The following ZDHHC5 variants were observed in gnomAD, a reference collection of about 807,000 sequenced individuals.
The protein encoded by ZDHHC5 is palmitoyltransferase ZDHHC5.
Under a neutral mutation model 70.0 loss-of-function variants are expected in ZDHHC5, and 22 were observed. The observed-to-expected ratio is 0.31, with a 90% CI of 0.22 to 0.45. The LOEUF is 0.45. ZDHHC5 is among the 20% of genes least tolerant of loss of function. The pLI, the probability that ZDHHC5 is intolerant of heterozygous loss-of-function variation, is 1.00. For missense variants in ZDHHC5, 746 were observed against 926.9 expected, an observed-to-expected ratio of 0.80 and a Z score of 2.53; for synonymous variants, 313 against 347.8, an observed-to-expected ratio of 0.90 and a Z score of 1.11.
At chr11:57,675,836 C>G (rs1303318389) in intron 2 of ZDHHC5, among the ~76,000 whole-genome samples, 1 of 152,210 alleles carries the variant, frequency 6.6e-6, no homozygotes, top group South Asian at 2.1e-4. Context: ...TTACCTCTTT[C>G]GAGGTTCAGT....
chr11:57,696,180 G>C, intron 9 of ZDHHC5, 137 bp downstream of exon 9: 1 of 1,355,446 alleles, frequency 7.4e-7, no homozygotes, highest in Non-Finnish European at 9.7e-7. Context: ...GTTGGTACTT[G>C]TGCTACTTTG....
rs182322461 is a variant in ZDHHC5 at position 57,697,320 on chromosome 11, A to G, written c.1122+447A>G. On this transcript the variant is annotated intron_variant, in intron 10 of 11. Transcript: ENST00000287169. ...TACTAAAAATACAAAAAAATTAGCC[A>G]GGCATGGTGGCAGGTGCCTGTAGTC... 1.5e-3 allele frequency among the ~76,000 whole-genome samples: 234 copies of G among 152,088 alleles called. 13 individuals are homozygous for G. In the East Asian group the frequency reaches 0.044, roughly 29 times the overall value.
At chr11:57,678,676 C>T (rs1026345604) in intron 2 of ZDHHC5, among the ~76,000 whole-genome samples, 9 of 151,226 alleles carry the variant, frequency 6.0e-5, no homozygotes, top group African/African-American at 1.7e-4. Flanking sequence ...CCCAGGAGTT[C>T]GAGACCAGCC....
At chr11:57,692,570 A>G (rs779954219) in intron 6 of ZDHHC5, 41 bp from the exon 7 acceptor site, 3 of 1,588,608 alleles carry the variant, frequency 1.9e-6, no homozygotes, top group Admixed American at 3.4e-5. Context: ...TTGGAAGTCA[A>G]GGTCTCATCT....
intron 6 of ZDHHC5, 45 bp from the exon 7 acceptor site, chr11:57,692,566 G>T: frequency 3.2e-6 from 5 of 1,582,666 alleles, no homozygotes; most frequent in Non-Finnish European, 4.3e-6. Flanking sequence ...GCCTTTGGAA[G>T]TCAAGGTCTC....
In ZDHHC5 at chr11:57,700,037, C is replaced by T. The variant is rs754070531; in HGVS notation, c.*6C>T. ...CCTATGAGATTTCGGTGTGAGCCTT[C>T]GGCACCTCCCCTCCCCAACGCCTCT... On this transcript the variant is annotated 3_prime_UTR_variant, in exon 12 of 12. Coordinates refer to ENST00000287169, the MANE Select transcript of ZDHHC5 (RefSeq NM_015457.3). 2.4e-5 allele frequency: 38 copies of T among 1,562,188 alleles called. No individual in the cohort carries two copies. Among genetic ancestry groups the T allele is most frequent in the East Asian group, 1.6e-4 (7 of 44,444 alleles).
At chr11:57,689,638 A>G (rs1378004404) in intron 4 of ZDHHC5, among the ~76,000 whole-genome samples, 1 of 150,210 alleles carries the variant, frequency 6.7e-6, no homozygotes, top group African/African-American at 2.4e-5. Context: ...GGCCTCTCAA[A>G]GTGCTGGGAT....
chr11:57,696,818 C>T lies in ZDHHC5; in HGVS notation c.1067C>T (p.Pro356Leu), dbSNP rs183544157. 4.2e-5 allele frequency: 67 copies of T among 1,614,058 alleles called. No individual in the cohort carries two copies. Among genetic ancestry groups the T allele is most frequent in the Middle Eastern group, 1.7e-4 (1 of 6,056 alleles). Residue 356 changes from proline to leucine, a missense_variant, in exon 10 of 12, where the codon CCG (proline) becomes CTG (leucine). Around this residue, in one of 6 missense-constraint regions of ZDHHC5, gnomAD observed 179 missense variants for 178.4 expected, o/e 1.00. Transcript: ENST00000287169. ...ACACCTACCATGTACAAGTATCGGC[C>T]GGGTTACAGTAGCAGCAGTACGTCA... ...PPTPTMYKYR[P>L]GYSSSSTSAA... is the part of the protein sequence containing the mutation.
rs1432926167 is a variant in ZDHHC5, at chr11:57,699,947, C to T, written c.2064C>T (p.Gly688=). 6.2e-7 allele frequency: 1 copy of T among 1,614,082 alleles called. No individual in the cohort carries two copies. The highest frequency in any genetic ancestry group is 8.5e-7 in the Non-Finnish European group (1 of 1,180,030). The change falls in exon 12 of 12, where the codon GGC becomes GGT. Residue 688 remains glycine (G), a synonymous_variant. Transcript: ENST00000287169. ...TAGGCTCAGCCTCCCCTGGCCCAGGCCAGCCACCTCTCAGTAGCCCCACGA... is the reference window on the plus strand; with the variant it reads ...TAGGCTCAGCCTCCCCTGGCCCAGGTCAGCCACCTCTCAGTAGCCCCACGA... ...KSLGSASPGP[G]QPPLSSPTRG...
chr11:57,692,212 G>C (rs1946294155), intron 6 of ZDHHC5, among the ~76,000 whole-genome samples: 1 of 152,082 alleles, frequency 6.6e-6, no homozygotes, highest in Admixed American at 6.6e-5. Flanking sequence ...GTAGAGATGG[G>C]GTTTTGCCAT....
chr11:57,696,288 A>G (rs1036971212), intron 9 of ZDHHC5, among the ~76,000 whole-genome samples: 13 of 152,180 alleles, frequency 8.5e-5, no homozygotes, highest in African/African-American at 2.7e-4. Context: ...AACATCACAG[A>G]ACCTTTTTGG....
intron 2 of ZDHHC5, 84 bp from the exon 3 acceptor site, chr11:57,682,338 G>T (rs1946159247): frequency 2.0e-6 from 3 of 1,508,460 alleles, no homozygotes; most frequent in Non-Finnish European, 1.8e-6. Context: ...TAGGTAAGGG[G>T]CTAAGTCTTT....
At chr11:57,694,267 C>A (rs1034169566) in intron 8 of ZDHHC5, among the ~76,000 whole-genome samples, 1 of 152,038 alleles carries the variant, frequency 6.6e-6, no homozygotes, top group African/African-American at 2.4e-5. Flanking sequence ...GCTAGGATTA[C>A]AAGCATGAGC....
intron 1 of ZDHHC5, among the ~76,000 whole-genome samples, chr11:57,670,661 G>A (rs993605379): frequency 5.9e-5 from 9 of 151,908 alleles, no homozygotes; most frequent in African/African-American, 9.7e-5. Flanking sequence ...ATCTTTTGGC[G>A]CTCACTGTAT....
intron 2 of ZDHHC5, among the ~76,000 whole-genome samples, chr11:57,677,283 A>AT (rs1170220902): frequency 0.26 from 21,590 of 81,684 alleles, 3,875 homozygotes; most frequent in East Asian, 0.77. Flanking sequence ...GCTTCACGTG[A>AT]TTTTTTTTTT....
chr11:57,695,675 C>A (rs1169940552), intron 8 of ZDHHC5, among the ~76,000 whole-genome samples: 2 of 151,868 alleles, frequency 1.3e-5, no homozygotes, highest in African/African-American at 4.8e-5. Flanking sequence ...TGCCTGTAAT[C>A]CCAGCTACTT....
chr11:57,687,254 C>G (rs1314235899), intron 3 of ZDHHC5, among the ~76,000 whole-genome samples: 1 of 18,436 alleles, frequency 5.4e-5, no homozygotes, highest in Non-Finnish European at 9.2e-5. Flanking sequence ...TTTTCCTTCC[C>G]ACATTTTTTT....
At position 57,688,505 on chromosome 11, in the gene ZDHHC5, C is replaced by T. The variant is rs1356130930; in HGVS notation, c.227-3C>T. ...GTTTTTAATTGACTTTTCCTCTCTA[C>T]AGCTGAGGAGGATGAGGACAAGGAA... On this transcript the variant is annotated splice_polypyrimidine_tract_variant and splice_region_variant and intron_variant, in intron 3 of 11. Coordinates refer to ENST00000287169, the MANE Select transcript of ZDHHC5 (RefSeq NM_015457.3). The T allele has an allele frequency of 6.4e-7, 1 of 1,564,764 alleles. No homozygotes were observed. Among genetic ancestry groups the T allele is most frequent in the African/African-American group, 1.4e-5 (1 of 73,180 alleles).
intron 2 of ZDHHC5, among the ~76,000 whole-genome samples, chr11:57,676,623 C>T (rs1415642831): frequency 1.3e-5 from 2 of 151,904 alleles, no homozygotes; most frequent in Non-Finnish European, 2.9e-5. Flanking sequence ...AGCAACATGA[C>T]CCTTTTTCAA....
Sources: allele counts gnomAD v4.1 joint callset (sites outside exome capture counted in the v4.1 genomes callset), GRCh38; gene constraint gnomAD v4.1.1; regional missense constraint gnomAD v4.1.1; transcripts MANE v1.5; gene names NCBI Gene and HGNC (gene_info 2026-07-23, HGNC 2026-07-21).